Variants in FMNL2 observed in about 807,000 individuals in gnomAD.
FMNL2 encodes formin like 2, also known as formin-like protein 2.
FMNL2 carries 51 observed loss-of-function variants against 130.2 expected under a neutral mutation model. The ratio of observed to expected loss-of-function variants is 0.39; its 90% CI spans 0.31 to 0.49. The LOEUF is 0.49. Ranked by LOEUF, FMNL2 falls within the 20% of genes least tolerant of loss-of-function variation. The probability of loss-of-function intolerance (pLI) is 0.85; values close to 1 mark genes in which losing one functional copy is unlikely to be tolerated. For missense variants in FMNL2, 977 were observed against 1,316.2 expected, an observed-to-expected ratio of 0.74 and a Z score of 3.99; for synonymous variants, 465 against 467.1, an observed-to-expected ratio of 1.00 and a Z score of 0.06.
chr2:152,594,779 A>G (rs1425468204), intron 9 of FMNL2, among the ~76,000 whole-genome samples: 2 of 152,162 alleles, frequency 1.3e-5, no homozygotes, highest in Non-Finnish European at 2.9e-5. Flanking sequence ...CTTTCAACAC[A>G]GTGGTATATG....
At chr2:152,413,619 A>G (rs536489714) in intron 1 of FMNL2, among the ~76,000 whole-genome samples, 42 of 152,344 alleles carry the variant, frequency 2.8e-4, no homozygotes, top group African/African-American at 9.4e-4. Context: ...GCAGTTTCCA[A>G]TAAAACAATG....
At chr2:152,355,896 A>G (rs1682753237) in intron 1 of FMNL2, among the ~76,000 whole-genome samples, 1 of 152,222 alleles carries the variant, frequency 6.6e-6, no homozygotes, top group Admixed American at 6.5e-5. Context: ...ACATACCCAA[A>G]TAAATAAAAT....
At chr2:152,375,161 AC>A (rs1293757493) in intron 1 of FMNL2, among the ~76,000 whole-genome samples, 1 of 152,238 alleles carries the variant, frequency 6.6e-6, no homozygotes, top group East Asian at 1.9e-4. Context: ...ACCTAAGAAT[AC>A]TACTACCTTT....
chr2:152,592,965 C>A (rs1446921271), intron 9 of FMNL2, among the ~76,000 whole-genome samples: 2 of 152,084 alleles, frequency 1.3e-5, no homozygotes, highest in Non-Finnish European at 2.9e-5. Context: ...TCAGAACAGA[C>A]CATACTGTTT....
chr2:152,484,037 A>G (rs1032688171), intron 1 of FMNL2, among the ~76,000 whole-genome samples: 1 of 152,200 alleles, frequency 6.6e-6, no homozygotes, highest in Non-Finnish European at 1.5e-5. Flanking sequence ...TGGACCCTCT[A>G]CACTGGTCAG....
intron 1 of FMNL2, among the ~76,000 whole-genome samples, chr2:152,358,518 G>T (rs1259779164): frequency 6.6e-6 from 1 of 152,094 alleles, no homozygotes; most frequent in Non-Finnish European, 1.5e-5. Flanking sequence ...GGGCATGGTG[G>T]TGCACACCTG....
chr2:152,622,875 A>G (rs1380313727), intron 15 of FMNL2, among the ~76,000 whole-genome samples: 1 of 149,794 alleles, frequency 6.7e-6, no homozygotes, highest in Non-Finnish European at 1.5e-5. Flanking sequence ...CTTCAACTCT[A>G]AGAACAAAAA....
rs903118453 is a variant in FMNL2 at position 152,649,112 on chromosome 2, A to G, written c.*1207A>G. 5 of 152,636 alleles carry G rather than the reference A, an allele frequency of 3.3e-5. No homozygotes were observed. The highest frequency in any genetic ancestry group is 1.2e-4 in the African/African-American group (5 of 41,456). 9.5% of individuals were successfully genotyped at this position (152,636 alleles called of 1,614,324 possible). ...CTTGGTACATCAATATATTAATTGT[A>G]AAGTTTATTGTATAGTATTTAACCG... is the stretch of plus-strand genomic sequence containing the variant. On this transcript the variant is annotated 3_prime_UTR_variant, in exon 26 of 26. Transcript: ENST00000288670.
chr2:152,576,679 A>C (rs996482594), intron 7 of FMNL2, among the ~76,000 whole-genome samples: 1 of 152,198 alleles, frequency 6.6e-6, no homozygotes, highest in Non-Finnish European at 1.5e-5. Context: ...AATGTGTGCG[A>C]GTTTTAAATA....
rs1681808869 is a variant in FMNL2 at position 152,626,704 on chromosome 2, T to A, written c.2142T>A (p.Asp714Glu). Reference sequence around the variant, plus strand: ...TAAGGAAAGCTGGAAAGACTGCTGATGAAATATGTAAAGCTATTCATGTGT... The same window carrying A: ...TAAGGAAAGCTGGAAAGACTGCTGAAGAAATATGTAAAGCTATTCATGTGT... ...ITLRKAGKTA[D>E]EICKAIHVFD... is the part of the protein sequence containing the mutation. Residue 714 changes from aspartate (D) to glutamate (E), a missense_variant, in exon 17 of 26, where the codon GAT (aspartate) becomes GAA (glutamate). By Grantham distance (45) the Asp-to-Glu change is conservative. Transcript: ENST00000288670. 6.2e-7 allele frequency: 1 copy of A among 1,611,550 alleles called. No homozygotes were observed. Among genetic ancestry groups the A allele is most frequent in the African/African-American group, 1.3e-5 (1 of 75,044 alleles).
At chr2:152,379,640 C>G (rs1345065292) in intron 1 of FMNL2, among the ~76,000 whole-genome samples, 1 of 152,098 alleles carries the variant, frequency 6.6e-6, no homozygotes, top group Non-Finnish European at 1.5e-5. Flanking sequence ...CTTTAACAAG[C>G]TGCTCAACAT....
chr2:152,350,702 T>G (rs73005009), intron 1 of FMNL2, among the ~76,000 whole-genome samples: 8,889 of 152,270 alleles, frequency 0.058, 810 homozygotes, highest in African/African-American at 0.19. Flanking sequence ...TCTTTTTCTT[T>G]TTTATATTTC....
At chr2:152,606,570 TA>T (rs888945747) in intron 9 of FMNL2, among the ~76,000 whole-genome samples, 1 of 148,224 alleles carries the variant, frequency 6.7e-6, no homozygotes, top group African/African-American at 2.5e-5. Flanking sequence ...ATCTAAAATT[TA>T]AAAAAAAGAA....
chr2:152,577,767 A>G (rs1338372529), intron 7 of FMNL2, among the ~76,000 whole-genome samples: 1 of 152,136 alleles, frequency 6.6e-6, no homozygotes, highest in African/African-American at 2.4e-5. Flanking sequence ...TGATCTTGGC[A>G]AGAACAGTTC....
intron 1 of FMNL2, among the ~76,000 whole-genome samples, chr2:152,351,572 G>A (rs1273254744): frequency 6.6e-6 from 1 of 152,172 alleles, no homozygotes; most frequent in East Asian, 1.9e-4. Context: ...TGGTGTATAT[G>A]TGCCACATTT....
chr2:152,366,443 AT>A (rs1194741588), intron 1 of FMNL2, among the ~76,000 whole-genome samples: 6 of 128,992 alleles, frequency 4.7e-5, no homozygotes, highest in African/African-American at 1.8e-4. Context: ...TATAATAATA[AT>A]AAAAAAATAA....
In FMNL2 at chr2:152,590,980, CTTTTTTTTTTTTTTTTTTTTTTTTTTTTT is replaced by C. The variant is rs1158391663; in HGVS notation, c.876+9947_876+9975del. Among the ~76,000 whole-genome samples, 18 of 65,790 alleles carry C rather than the reference CTTTTTTTTTTTTTTTTTTTTTTTTTTTTT, an allele frequency of 2.7e-4. 2 individuals carry two copies. The highest frequency in any genetic ancestry group is 1.5e-3 in the Admixed American group (7 of 4,630). The allele number at this position is 65,790 out of a possible 152,430, so 43.2% of individuals were successfully genotyped here. ...CAGAGTTAGATTTTCCCTCTGATAACTTTTTTTTTTTTTTTTTTTTTTTTTTTTTTTTTTTTTTTTTTTTGAGACAGCAT... is the reference window on the plus strand; with the variant it reads ...CAGAGTTAGATTTTCCCTCTGATAACTTTTTTTTTTTTTTTGAGACAGCAT... On this transcript the variant is annotated intron_variant, in intron 9 of 25. Coordinates refer to ENST00000288670, the MANE Select transcript of FMNL2 (RefSeq NM_052905.4).
intron 2 of FMNL2, among the ~76,000 whole-genome samples, chr2:152,528,120 C>T (rs1247914724): frequency 6.6e-6 from 1 of 152,096 alleles, no homozygotes; most frequent in Non-Finnish European, 1.5e-5. Context: ...TGATTCCTAA[C>T]AGTAATATAA....
chr2:152,414,105 G>GT lies in FMNL2; in HGVS notation c.117+78394dup, dbSNP rs1215267075. 1.4e-4 allele frequency among the ~76,000 whole-genome samples: 21 copies of GT among 150,882 alleles called. 1 individual carries two copies. The highest frequency in any genetic ancestry group is 2.6e-4 in the Admixed American group (4 of 15,142). On this transcript the variant is annotated intron_variant, in intron 1 of 25. Coordinates refer to ENST00000288670, the MANE Select transcript of FMNL2 (RefSeq NM_052905.4). ...TTTCTATTTGATCTACCTGTTTTATGTTTTTTTTTCCTCCTTTTTGACTTT... is the reference window on the plus strand; with the variant it reads ...TTTCTATTTGATCTACCTGTTTTATGTTTTTTTTTTCCTCCTTTTTGACTTT...
Sources: allele counts gnomAD v4.1 joint callset (sites outside exome capture counted in the v4.1 genomes callset), GRCh38; gene constraint gnomAD v4.1.1; transcripts MANE v1.5; gene names NCBI Gene and HGNC (gene_info 2026-07-23, HGNC 2026-07-21).